MTUS2: variants seen among roughly 807,000 people sequenced by gnomAD.
MTUS2 encodes microtubule-associated tumor suppressor candidate 2.
Under a neutral mutation model 114.1 loss-of-function variants are expected in MTUS2, and 40 were observed. That is an observed-to-expected ratio of 0.35 (90% CI 0.27 to 0.46). The LOEUF (loss-of-function observed/expected upper bound fraction) is 0.46. Ranked by LOEUF, MTUS2 falls within the 20% of genes least tolerant of loss-of-function variation. The pLI is 1.00. For missense variants in MTUS2, 1,679 were observed against 1,705.4 expected (o/e 0.98, Z 0.27); for synonymous variants, 688 against 672.0 (o/e 1.02, Z -0.37).
At chr13:29,470,657 G>A (rs552775658) in intron 9 of MTUS2, among the ~76,000 whole-genome samples, 1 of 152,162 alleles carries the variant, frequency 6.6e-6, no homozygotes. Flanking sequence ...ATACTCTCTG[G>A]GGACTTTCCA....
rs772456825 is a variant in MTUS2 at position 29,498,410 on chromosome 13, C to T, written c.3679-8C>T. 2 of 1,613,920 alleles carry T rather than the reference C, an allele frequency of 1.2e-6. No homozygotes were observed. The highest frequency in any genetic ancestry group is 1.7e-6 in the Non-Finnish European group (2 of 1,179,978). On this transcript the variant is annotated splice_polypyrimidine_tract_variant and splice_region_variant and intron_variant, in intron 13 of 15. Transcript: ENST00000612955. The stretch of plus-strand genomic sequence containing the variant: ...TGGTCAACAGCTCATGGCTCTCTGC[C>T]TCTGTAGATTGCATTGGCTCCTTAT...
At chr13:29,021,729 T>A (rs1886298832) in intron 2 of MTUS2, among the ~76,000 whole-genome samples, 1 of 152,232 alleles carries the variant, frequency 6.6e-6, no homozygotes, top group Non-Finnish European at 1.5e-5. Flanking sequence ...GTGATCTTAT[T>A]GATTTGCCTA....
In MTUS2 at chr13:29,498,408, G is replaced by A; in HGVS notation, c.3679-10G>A. The A allele has an allele frequency of 6.2e-7, 1 of 1,614,000 alleles. No homozygotes were observed. Among genetic ancestry groups the A allele is most frequent in the Non-Finnish European group, 8.5e-7 (1 of 1,179,934 alleles). On this transcript the variant is annotated splice_polypyrimidine_tract_variant and intron_variant, in intron 13 of 15. Coordinates refer to ENST00000612955, the MANE Select transcript of MTUS2 (RefSeq NM_001033602.4). ...CCTGGTCAACAGCTCATGGCTCTCT[G>A]CCTCTGTAGATTGCATTGGCTCCTT...
At chr13:28,835,936 C>G (rs993715469) in intron 1 of MTUS2, among the ~76,000 whole-genome samples, 4 of 151,784 alleles carry the variant, frequency 2.6e-5, no homozygotes, top group African/African-American at 9.7e-5. Flanking sequence ...CTGTTCAGCA[C>G]TGCAGTAGTC....
intron 4 of MTUS2, among the ~76,000 whole-genome samples, chr13:29,046,607 T>A (rs563394118): frequency 3.3e-5 from 5 of 152,386 alleles, no homozygotes; most frequent in African/African-American, 4.8e-5. Context: ...ACCCTTCCCC[T>A]GCATTTTCTA....
At chr13:28,930,981 C>T (rs994064984) in intron 2 of MTUS2, among the ~76,000 whole-genome samples, 1 of 152,170 alleles carries the variant, frequency 6.6e-6, no homozygotes, top group African/African-American at 2.4e-5. Flanking sequence ...GTGGGCAGAC[C>T]TGGAGTCAGG....
intron 6 of MTUS2, among the ~76,000 whole-genome samples, chr13:29,308,671 T>C (rs1293242486): frequency 6.6e-6 from 1 of 152,002 alleles, no homozygotes; most frequent in African/African-American, 2.4e-5. Flanking sequence ...AGGTCTAATA[T>C]CCAGAGTCTA....
chr13:29,183,084 T>A (rs1894073880), intron 5 of MTUS2, among the ~76,000 whole-genome samples: 1 of 152,216 alleles, frequency 6.6e-6, no homozygotes, highest in Non-Finnish European at 1.5e-5. Context: ...TATGTCTTAA[T>A]CATATCCATC....
rs1348424412 is a variant in MTUS2, at chr13:29,322,686, G to A, written c.2807-1927G>A. Among the ~76,000 whole-genome samples the A allele has an allele frequency of 6.6e-5, 10 of 152,290 alleles. 3 individuals are homozygous for A. The highest frequency in any genetic ancestry group is 6.5e-4 in the Admixed American group (10 of 15,298). On this transcript the variant is annotated intron_variant, in intron 6 of 15. Transcript: ENST00000612955. ...GTTGGAGCACCAGGCATGGTGAGGA[G>A]ACCTTGCTGTGCTGAGACCTCCTGA...
Position 29,324,855 on chromosome 13 carries a change from T to C in MTUS2, c.2905+144T>C. On this transcript the variant is annotated intron_variant, in intron 7 of 15. Coordinates refer to ENST00000612955, the MANE Select transcript of MTUS2 (RefSeq NM_001033602.4). ...TTGACATACATATGCTGATGTTTTC[T>C]GACTCTAGATGAAATGAACCAGCTG... 3 of 639,740 alleles carry C rather than the reference T, an allele frequency of 4.7e-6. No individual in the cohort carries two copies. The South Asian group carries it at 6.1e-5, about 13-fold the overall frequency. 39.6% of individuals were successfully genotyped at this position (639,740 alleles called of 1,614,324 possible). A position where few individuals can be genotyped will look rare whatever the true frequency, so the allele number is the denominator to read the frequency against.
intron 9 of MTUS2, among the ~76,000 whole-genome samples, chr13:29,460,791 T>C (rs1419094995): frequency 6.6e-6 from 1 of 152,136 alleles, no homozygotes; most frequent in African/African-American, 2.4e-5. Flanking sequence ...CAACTTTTTT[T>C]AGTGAGATCA....
chr13:29,471,912 T>C (rs1391437933), intron 9 of MTUS2, among the ~76,000 whole-genome samples: 2 of 152,154 alleles, frequency 1.3e-5, no homozygotes, highest in African/African-American at 4.8e-5. Context: ...CACCTGTGAT[T>C]TTCACAGCGC....
chr13:29,086,640 GT>G (rs1170240202), intron 4 of MTUS2, among the ~76,000 whole-genome samples: 1 of 151,962 alleles, frequency 6.6e-6, no homozygotes, highest in Non-Finnish European at 1.5e-5. Context: ...TTGAGAATAC[GT>G]TTTTCTAGTT....
At chr13:29,259,039 A>C (rs1487700025) in intron 5 of MTUS2, among the ~76,000 whole-genome samples, 2 of 152,278 alleles carry the variant, frequency 1.3e-5, no homozygotes, top group Non-Finnish European at 2.9e-5. Flanking sequence ...AGTTCTATGA[A>C]TAATAGATAC....
At chr13:28,847,700 T>C (rs1281326186) in intron 2 of MTUS2, among the ~76,000 whole-genome samples, 1 of 152,152 alleles carries the variant, frequency 6.6e-6, no homozygotes, top group Non-Finnish European at 1.5e-5. Flanking sequence ...CATCTTGGCT[T>C]TTTCAGCACC....
intron 6 of MTUS2, among the ~76,000 whole-genome samples, chr13:29,283,945 C>T (rs982046233): frequency 6.6e-6 from 1 of 152,168 alleles, no homozygotes; most frequent in African/African-American, 2.4e-5. Flanking sequence ...AGCAAACAGG[C>T]ATTCTCATAC....
chr13:28,880,297 GA>G (rs979139137), intron 2 of MTUS2, among the ~76,000 whole-genome samples: 5 of 152,132 alleles, frequency 3.3e-5, no homozygotes, highest in South Asian at 2.1e-4. Context: ...GGCTAATGAG[GA>G]AAAAAATACA....
intron 2 of MTUS2, among the ~76,000 whole-genome samples, chr13:28,910,412 T>G (rs568092168): frequency 6.6e-6 from 1 of 152,176 alleles, no homozygotes; most frequent in African/African-American, 2.4e-5. Context: ...AGGGAAGATG[T>G]GTAGGATGTT....
At chr13:29,394,202 T>A (rs3125713) in intron 8 of MTUS2, among the ~76,000 whole-genome samples, 124,734 of 152,166 alleles carry the variant, frequency 0.82, 52,456 homozygotes, top group Non-Finnish European at 0.91. Context: ...CACACTCTCA[T>A]AATGTCCTGA....
Sources: gnomAD v4.1 joint callset for allele counts (sites outside exome capture counted in the v4.1 genomes callset) on GRCh38, gnomAD v4.1.1 for gene constraint, MANE v1.5 for transcripts, NCBI Gene and HGNC (gene_info 2026-07-23, HGNC 2026-07-21) for gene names.